Variants in SMARCA2 observed in about 807,000 individuals in gnomAD.
SMARCA2 encodes the protein SWI/SNF related BAF chromatin remodeling complex subunit ATPase 2.
Under a neutral mutation model 199.8 loss-of-function variants are expected in SMARCA2, and 61 were observed. The observed-to-expected ratio is 0.31, with a 90% CI of 0.25 to 0.38. The LOEUF (loss-of-function observed/expected upper bound fraction) is 0.38. Among genes scored for constraint, SMARCA2 ranks in the 10% least tolerant of loss-of-function variants. The pLI is 1.00. For missense variants in SMARCA2, 1,344 were observed against 2,012.2 expected (o/e 0.67, Z 6.35); for synonymous variants, 935 against 732.0 (o/e 1.28, Z -4.48).
At chr9:2,082,214 A>G (rs903779157) in intron 15 of SMARCA2, among the ~76,000 whole-genome samples, 1 of 151,876 alleles carries the variant, frequency 6.6e-6, no homozygotes, top group Non-Finnish European at 1.5e-5. Context: ...GAGTGATTTT[A>G]TCGGCCATCA....
At chr9:2,075,938 A>G (rs1012941164) in intron 12 of SMARCA2, among the ~76,000 whole-genome samples, 1 of 152,220 alleles carries the variant, frequency 6.6e-6, no homozygotes, top group Non-Finnish European at 1.5e-5. Context: ...TAACCAAATA[A>G]TGATAAACAT....
At chr9:2,042,091 G>A (rs1819632921) in intron 4 of SMARCA2, 1 of 152,220 alleles carries the variant, frequency 6.6e-6, no homozygotes. Flanking sequence ...CAAGATGCAA[G>A]CATTGTACTT....
intron 3 of SMARCA2, among the ~76,000 whole-genome samples, chr9:2,037,701 C>G (rs949979970): frequency 1.7e-4 from 26 of 152,012 alleles, no homozygotes; most frequent in Admixed American, 1.6e-3. Flanking sequence ...ATTTAATAAA[C>G]ACTTATGTGA....
chr9:2,036,289 C>T (rs1819329670), intron 3 of SMARCA2, among the ~76,000 whole-genome samples: 1 of 152,042 alleles, frequency 6.6e-6, no homozygotes, highest in Admixed American at 6.6e-5. Flanking sequence ...TATTGCATCT[C>T]TCTGAGGCAA....
At chr9:2,049,646 G>C (rs766066503) in intron 5 of SMARCA2, among the ~76,000 whole-genome samples, 1 of 152,226 alleles carries the variant, frequency 6.6e-6, no homozygotes, top group Non-Finnish European at 1.5e-5. Context: ...ACAGTTTGGT[G>C]GTGACAGCAT....
intron 9 of SMARCA2, among the ~76,000 whole-genome samples, chr9:2,066,736 A>G (rs1820851592): frequency 1.3e-5 from 2 of 152,252 alleles, no homozygotes; most frequent in African/African-American, 4.8e-5. Context: ...TAATATTGAT[A>G]GCATGTGTCT....
chr9:2,167,207 C>G (rs1825976763), intron 28 of SMARCA2, among the ~76,000 whole-genome samples: 1 of 152,218 alleles, frequency 6.6e-6, no homozygotes, highest in African/African-American at 2.4e-5. Flanking sequence ...CAACTGGACA[C>G]TTGAACTTAC....
intron 27 of SMARCA2, among the ~76,000 whole-genome samples, chr9:2,147,484 C>G (rs531703945): frequency 1.3e-5 from 2 of 152,328 alleles, no homozygotes; most frequent in South Asian, 4.1e-4. Flanking sequence ...AGTAAACTGG[C>G]TAGAACACAT....
chr9:2,174,757 C>T lies in SMARCA2; in HGVS notation c.4253+4285C>T, dbSNP rs7024054. 2.4e-3 allele frequency among the ~76,000 whole-genome samples: 356 copies of T among 151,418 alleles called. 2 individuals carry two copies. Among genetic ancestry groups the T allele is most frequent in the African/African-American group, 8.2e-3 (339 of 41,246 alleles). ...GCAAGATGGTGGAAGCCTGTCTCTA[C>T]AAAAATGCAAAAATGAGGTGGGTGT... On this transcript the variant is annotated intron_variant, in intron 29 of 33. Transcript: ENST00000349721.
intron 25 of SMARCA2, 32 bp downstream of exon 25, chr9:2,116,081 A>T: frequency 6.7e-7 from 1 of 1,493,490 alleles, no homozygotes; most frequent in Non-Finnish European, 9.3e-7. Context: ...TTATGAAATC[A>T]AACAGTGGCC....
rs1346234051 is a variant in SMARCA2 at position 2,170,455 on chromosome 9, G to A, written c.4236G>A (p.Leu1412=). ...AGAAGGTGCCCAGTAATTCTCAGTT[G>A]GAAATAGAAGGAAACAGGTCAGGAT... is the stretch of plus-strand genomic sequence containing the variant. The part of the protein sequence containing the change: ...NVEKVPSNSQ[L]EIEGNSSGRQ... The change falls in exon 29 of 34, where the codon TTG becomes TTA. Residue 1412 remains leucine (L), a synonymous_variant. Transcript: ENST00000349721. The surrounding 1 kb of genome is among the most constrained non-coding windows in gnomAD (Gnocchi z 4.7). 11 of 1,614,016 alleles carry A rather than the reference G, an allele frequency of 6.8e-6. No homozygotes were observed. The highest frequency in any genetic ancestry group is 5.1e-6 in the Non-Finnish European group (6 of 1,179,958).
intron 27 of SMARCA2, among the ~76,000 whole-genome samples, chr9:2,136,640 C>G (rs1191526241): frequency 6.6e-6 from 1 of 152,070 alleles, no homozygotes; most frequent in Non-Finnish European, 1.5e-5. Context: ...TGTTTGGATT[C>G]CTTACAGTCA....
rs202062087 is a variant in SMARCA2 at position 2,191,423 on chromosome 9, C to T, written c.4737+15C>T. The T allele has an allele frequency of 6.2e-7, 1 of 1,613,712 alleles. No individual in the cohort carries two copies. The highest frequency in any genetic ancestry group is 8.5e-7 in the Non-Finnish European group (1 of 1,179,666). ...AGGATGAACGTGTAAGTGTAGCCGA[C>T]TGGGACTGAAGGCGGAGACGCCCTC... On this transcript the variant is annotated intron_variant, in intron 33 of 33. Transcript: ENST00000349721.
At chr9:2,064,492 A>T (rs1188096881) in intron 9 of SMARCA2, among the ~76,000 whole-genome samples, 7 of 152,256 alleles carry the variant, frequency 4.6e-5, no homozygotes, top group Non-Finnish European at 1.0e-4. Context: ...CGAAAGTGGA[A>T]TCATAATTAT....
intron 9 of SMARCA2, among the ~76,000 whole-genome samples, chr9:2,065,125 C>T (rs1311936061): frequency 9.2e-5 from 14 of 152,138 alleles, no homozygotes; most frequent in Admixed American, 7.8e-4. Flanking sequence ...GCAGAGGTTG[C>T]AGTGAGCCGA....
At chr9:2,131,973 T>C (rs1823981890) in intron 27 of SMARCA2, among the ~76,000 whole-genome samples, 1 of 151,170 alleles carries the variant, frequency 6.6e-6, no homozygotes, top group Non-Finnish European at 1.5e-5. Flanking sequence ...ATGACATTTA[T>C]AATACTAGGT....
At chr9:2,192,042 G>C (rs1827922221) in intron 33 of SMARCA2, 1 of 154,660 alleles carries the variant, frequency 6.5e-6, no homozygotes, top group Non-Finnish European at 1.4e-5. Flanking sequence ...TTTTGCTACA[G>C]ATCACGTCGC....
intron 12 of SMARCA2, 98 bp from the exon 13 acceptor site, chr9:2,076,131 T>G: frequency 1.4e-6 from 1 of 701,024 alleles, no homozygotes; most frequent in Non-Finnish European, 2.5e-6. Context: ...ACTTCATTTG[T>G]GAAGTTCAAT....
intron 1 of SMARCA2, among the ~76,000 whole-genome samples, chr9:2,024,174 C>G (rs1311496312): frequency 1.3e-5 from 2 of 152,168 alleles, no homozygotes; most frequent in Admixed American, 6.5e-5. Flanking sequence ...CGACTAGAAA[C>G]CAAAAGTTTC....
Sources: allele counts gnomAD v4.1 joint callset (sites outside exome capture counted in the v4.1 genomes callset), GRCh38; gene constraint gnomAD v4.1.1; non-coding constraint Gnocchi (gnomAD v3.1); transcripts MANE v1.5; gene names NCBI Gene and HGNC (gene_info 2026-07-23, HGNC 2026-07-21).